The following XRCC5 variants were observed in gnomAD, a reference collection of about 807,000 sequenced individuals.
XRCC5 encodes DNA repair protein Ku80.
In XRCC5, 12 loss-of-function variants were observed where a neutral mutation model predicts 95.7. The observed-to-expected ratio is 0.13, with a 90% CI of 0.08 to 0.20. XRCC5 has a LOEUF of 0.20. XRCC5 is among the 10% of genes least tolerant of loss of function. XRCC5 has a pLI of 1.00. For missense variants in XRCC5, 595 were observed against 873.9 expected (o/e 0.68, Z 4.02); for synonymous variants, 281 against 290.3 (o/e 0.97, Z 0.33).
intron 18 of XRCC5, among the ~76,000 whole-genome samples, chr2:216,193,785 C>A (rs1258124106): frequency 6.6e-6 from 1 of 152,208 alleles, no homozygotes; most frequent in East Asian, 1.9e-4. Flanking sequence ...TGAGAGAATA[C>A]AGATGACCAA....
At chr2:216,184,053 T>C (rs1689444260) in intron 16 of XRCC5, among the ~76,000 whole-genome samples, 1 of 148,790 alleles carries the variant, frequency 6.7e-6, no homozygotes, top group South Asian at 2.1e-4. Context: ...TGTGTGTGTG[T>C]GTGTGTGTGT....
Position 216,116,661 on chromosome 2 carries a change from G to C in XRCC5, c.138G>C (p.Val46=). ...KVITMFVQRQ[V]FAENKDEIAL... is the part of the protein sequence containing the mutation. ...AGCCATCTGACATTTTTTTCTAGGT[G>C]TTTGCTGAGAACAAGGATGAGATTG... Residue 46 remains valine (V), a splice_region_variant and synonymous_variant, in exon 3 of 21, where the codon GTG becomes GTC. Coordinates refer to ENST00000392132, the MANE Select transcript of XRCC5 (RefSeq NM_021141.4). The C allele has an allele frequency of 6.2e-7, 1 of 1,614,090 alleles. No individual in the cohort carries two copies. Among genetic ancestry groups the C allele is most frequent in the South Asian group, 1.1e-5 (1 of 91,082 alleles).
chr2:216,117,043 T>C (rs1696710497), intron 3 of XRCC5: 2 of 606,602 alleles, frequency 3.3e-6, no homozygotes, highest in Admixed American at 3.0e-5. Flanking sequence ...AGCCCTCCAC[T>C]CACTTCCCTG....
chr2:216,156,183 G>C (rs1317240706), intron 14 of XRCC5, among the ~76,000 whole-genome samples: 1 of 152,146 alleles, frequency 6.6e-6, no homozygotes, highest in African/African-American at 2.4e-5. Flanking sequence ...GGAAAGATAA[G>C]AACATTTGTA....
chr2:216,116,883 T>C, intron 3 of XRCC5, 41 bp downstream of exon 3: 1 of 1,601,806 alleles, frequency 6.2e-7, no homozygotes. Context: ...GAAATTTCCT[T>C]TATTCTGGGA....
intron 5 of XRCC5, among the ~76,000 whole-genome samples, chr2:216,121,088 G>A (rs989527003): frequency 3.3e-5 from 5 of 152,094 alleles, no homozygotes; most frequent in African/African-American, 9.7e-5. Context: ...CTGATCTAAC[G>A]CAGAATAGAC....
chr2:216,178,330 CCTT>C (rs1433778494), intron 16 of XRCC5, among the ~76,000 whole-genome samples: 7 of 152,228 alleles, frequency 4.6e-5, no homozygotes, highest in Non-Finnish European at 8.8e-5. Context: ...GTGGACATCT[CCTT>C]CTTTATTGTC....
intron 16 of XRCC5, among the ~76,000 whole-genome samples, chr2:216,178,679 A>G (rs769558632): frequency 9.9e-5 from 15 of 152,228 alleles, no homozygotes; most frequent in Non-Finnish European, 2.1e-4. Context: ...TATATCTTAT[A>G]TAGCATGTTA....
intron 19 of XRCC5, among the ~76,000 whole-genome samples, chr2:216,199,881 A>C (rs1385267691): frequency 7.1e-6 from 1 of 141,576 alleles, no homozygotes; most frequent in Non-Finnish European, 1.5e-5. Context: ...CATTTGATGT[A>C]AGCTCTGTGA....
At chr2:216,115,801 A>G (rs1203835088) in intron 2 of XRCC5, among the ~76,000 whole-genome samples, 1 of 136,160 alleles carries the variant, frequency 7.3e-6, no homozygotes, top group Non-Finnish European at 1.7e-5. Context: ...AATGTTTCAT[A>G]TTTGTTTGAT....
At chr2:216,163,567 G>GAGCCACGGTGGCA (rs1553575111) in intron 16 of XRCC5, among the ~76,000 whole-genome samples, 38,318 of 151,546 alleles carry the variant, frequency 0.25, 5,962 homozygotes, top group Non-Finnish European at 0.36. Flanking sequence ...TGGGATTACT[G>GAGCCACGGTGGCA]TGAGCCACGG....
chr2:216,167,570 TTGTGTG>T (rs58499938), intron 16 of XRCC5, among the ~76,000 whole-genome samples: 5,863 of 138,430 alleles, frequency 0.042, 162 homozygotes, highest in African/African-American at 0.074. Flanking sequence ...GTGTGTGGGT[TTGTGTG>T]TGTGTGTGTG....
At chr2:216,200,359 G>A (rs941968734) in intron 19 of XRCC5, among the ~76,000 whole-genome samples, 1 of 152,094 alleles carries the variant, frequency 6.6e-6, no homozygotes, top group East Asian at 1.9e-4. Context: ...CAAACTGCTG[G>A]CCCCTGTTGG....
intron 13 of XRCC5, 58 bp downstream of exon 13, chr2:216,141,377 A>C (rs1483654293): frequency 6.2e-7 from 1 of 1,602,308 alleles, no homozygotes; most frequent in African/African-American, 1.3e-5. Flanking sequence ...AGCTAAGTGC[A>C]AAGTTGCGGT....
Position 216,141,188 on chromosome 2 carries a change from G to T in XRCC5, c.1345G>T (p.Ala449Ser). The T allele has an allele frequency of 6.2e-7, 1 of 1,613,530 alleles. No homozygotes were observed. Among genetic ancestry groups the T allele is most frequent in the Non-Finnish European group, 8.5e-7 (1 of 1,179,822 alleles). The change falls in exon 13 of 21, where the codon GCA (alanine) becomes TCA (serine). Residue 449 changes from alanine (A) to serine (S), a missense_variant and splice_region_variant. By Grantham distance (99) the Ala-to-Ser change is moderately conservative (BLOSUM62 1). Transcript: ENST00000392132. ...KNSKKYAPTE[A>S]QLNAVDALID... ...TTCTTTCGGCTTCTCTGTTTAAGAGGCACAGTTGAATGCTGTTGATGCTTT... is the reference window on the plus strand; with the variant it reads ...TTCTTTCGGCTTCTCTGTTTAAGAGTCACAGTTGAATGCTGTTGATGCTTT...
chr2:216,204,902 T>G (rs1399084064), intron 20 of XRCC5, among the ~76,000 whole-genome samples: 15 of 152,244 alleles, frequency 9.9e-5, no homozygotes. Flanking sequence ...AAATGTCTTT[T>G]GTATCTATCC....
intron 16 of XRCC5, among the ~76,000 whole-genome samples, chr2:216,188,350 A>T (rs538602403): frequency 6.6e-6 from 1 of 152,220 alleles, no homozygotes; most frequent in East Asian, 1.9e-4. Context: ...TATGCATTAT[A>T]TTCCCTATTC....
intron 16 of XRCC5, among the ~76,000 whole-genome samples, chr2:216,174,639 G>A (rs958992968): frequency 5.3e-5 from 8 of 152,194 alleles, no homozygotes; most frequent in South Asian, 4.1e-4. Flanking sequence ...GCTCAGGAAT[G>A]TACGTCTAAT....
At chr2:216,133,111 A>G (rs1292915544) in intron 10 of XRCC5, among the ~76,000 whole-genome samples, 1 of 152,050 alleles carries the variant, frequency 6.6e-6, no homozygotes, top group African/African-American at 2.4e-5. Context: ...TCTGGAAGGT[A>G]GCTGGTTGCT....
Sources: allele counts gnomAD v4.1 joint callset (sites outside exome capture counted in the v4.1 genomes callset), GRCh38; gene constraint gnomAD v4.1.1; transcripts MANE v1.5; gene names NCBI Gene and HGNC (gene_info 2026-07-23, HGNC 2026-07-21).